Variants in MITF observed in about 807,000 individuals in gnomAD.
MITF encodes the protein microphthalmia-associated transcription factor.
Under a neutral mutation model 60.5 loss-of-function variants are expected in MITF, and 17 were observed. The observed-to-expected ratio is 0.28, with a 90% CI of 0.19 to 0.42. MITF has a LOEUF of 0.42. Among genes scored for constraint, MITF ranks in the 10% least tolerant of loss-of-function variants. MITF has a pLI of 1.00. For synonymous variants in MITF, 260 were observed against 248.5 expected, an observed-to-expected ratio of 1.05 and a Z score of -0.43; for missense variants, 622 against 683.5, an observed-to-expected ratio of 0.91 and a Z score of 1.00.
At chr3:69,755,874 C>T (rs1410217461) in intron 1 of MITF, among the ~76,000 whole-genome samples, 1 of 152,186 alleles carries the variant, frequency 6.6e-6, no homozygotes, top group African/African-American at 2.4e-5. Flanking sequence ...GCTGCTCCTC[C>T]TCCTGTACTA....
chr3:69,892,072 A>G (rs891191255), intron 2 of MITF, among the ~76,000 whole-genome samples: 1 of 152,192 alleles, frequency 6.6e-6, no homozygotes, highest in Non-Finnish European at 1.5e-5. Flanking sequence ...TGTATGTCAC[A>G]TATGTACCAT....
Position 69,862,504 on chromosome 3 carries a change from G to A in MITF, c.105-16630G>A, listed in dbSNP as rs570119489. ...GAATATAAGAAAATATGGTGTGCTCGGGCTGGGCAATAAAACATTTAATGC... is the reference window on the plus strand; with the variant it reads ...GAATATAAGAAAATATGGTGTGCTCAGGCTGGGCAATAAAACATTTAATGC... On this transcript the variant is annotated intron_variant, in intron 1 of 9. Transcript: ENST00000352241. Among the ~76,000 whole-genome samples the A allele has an allele frequency of 6.2e-4, 94 of 152,270 alleles. 1 individual carries two copies. The highest frequency in any genetic ancestry group is 1.2e-3 in the Non-Finnish European group (81 of 68,022).
rs896510009 is a variant in MITF, at chr3:69,739,488, C to T, written c.-110C>T. On this transcript the variant is annotated 5_prime_UTR_variant, in exon 1 of 10. Transcript: ENST00000352241. Reference sequence around the variant, plus strand: ...CGCGAGCCGGCGAGCGGGCAGAGCTCGGCACTGCGCCGGGGCGCACGGCTC... The same window carrying T: ...CGCGAGCCGGCGAGCGGGCAGAGCTTGGCACTGCGCCGGGGCGCACGGCTC... 3 of 1,003,534 alleles carry T rather than the reference C, an allele frequency of 3.0e-6. No homozygotes were observed. The highest frequency in any genetic ancestry group is 4.5e-6 in the Non-Finnish European group (3 of 660,278). 62.2% of individuals were successfully genotyped at this position (1,003,534 alleles called of 1,614,324 possible).
At chr3:69,920,996 T>A (rs2065454788) in intron 2 of MITF, among the ~76,000 whole-genome samples, 1 of 152,110 alleles carries the variant, frequency 6.6e-6, no homozygotes, top group Non-Finnish European at 1.5e-5. Context: ...GCCTCCCAAG[T>A]AGCTGGGATT....
At chr3:69,775,348 A>T (rs1402873915) in intron 1 of MITF, among the ~76,000 whole-genome samples, 2 of 152,144 alleles carry the variant, frequency 1.3e-5, no homozygotes, top group African/African-American at 4.8e-5. Flanking sequence ...TCTCTCACCT[A>T]TTTATGTGAA....
intron 1 of MITF, among the ~76,000 whole-genome samples, chr3:69,803,877 C>T (rs191944859): frequency 8.5e-4 from 128 of 150,910 alleles, no homozygotes; most frequent in Non-Finnish European, 1.7e-3. Context: ...AAGAGGTAAA[C>T]AGTTTCCTTG....
At chr3:69,902,913 T>A (rs1440366427) in intron 2 of MITF, among the ~76,000 whole-genome samples, 1 of 152,192 alleles carries the variant, frequency 6.6e-6, no homozygotes, top group Non-Finnish European at 1.5e-5. Flanking sequence ...AATTTTAAAT[T>A]ACTTTGTATT....
At chr3:69,838,403 A>G (rs2063572474) in intron 1 of MITF, among the ~76,000 whole-genome samples, 1 of 152,170 alleles carries the variant, frequency 6.6e-6, no homozygotes, top group Admixed American at 6.5e-5. Context: ...AAATGAAACA[A>G]CTGTTATTAG....
intron 2 of MITF, among the ~76,000 whole-genome samples, chr3:69,928,417 A>T (rs1259234090): frequency 6.6e-6 from 1 of 152,188 alleles, no homozygotes; most frequent in East Asian, 1.9e-4. Context: ...AGGGATATGA[A>T]GTGTGAATGG....
At chr3:69,860,884 G>A (rs577406535) in intron 1 of MITF, among the ~76,000 whole-genome samples, 1 of 152,152 alleles carries the variant, frequency 6.6e-6, no homozygotes, top group African/African-American at 2.4e-5. Context: ...AGAGGATGCT[G>A]TAATATCACT....
chr3:69,879,076 G>A, intron 1 of MITF, 58 bp from the exon 2 acceptor site: 1 of 1,450,150 alleles, frequency 6.9e-7, no homozygotes, highest in Non-Finnish European at 9.7e-7. Context: ...CCCCCAAAGT[G>A]CAAACGAAGG....
At chr3:69,899,240 A>C (rs757231756) in intron 2 of MITF, among the ~76,000 whole-genome samples, 35 of 152,266 alleles carry the variant, frequency 2.3e-4, no homozygotes, top group Non-Finnish European at 4.4e-4. Context: ...AGTGTCAGAG[A>C]GCTAGAAGCT....
At chr3:69,780,285 T>C (rs1244904914) in intron 1 of MITF, among the ~76,000 whole-genome samples, 1 of 152,184 alleles carries the variant, frequency 6.6e-6, no homozygotes, top group African/African-American at 2.4e-5. Flanking sequence ...CCGGTGTGGC[T>C]GGTGTTTTGA....
At chr3:69,760,478 C>A (rs2062196177) in intron 1 of MITF, among the ~76,000 whole-genome samples, 1 of 152,206 alleles carries the variant, frequency 6.6e-6, no homozygotes. Flanking sequence ...CCCAGAGTAG[C>A]AGCGTATGGA....
chr3:69,803,966 G>T (rs372007816), intron 1 of MITF, among the ~76,000 whole-genome samples: 4 of 151,252 alleles, frequency 2.6e-5, no homozygotes, highest in Non-Finnish European at 5.9e-5. Context: ...CTTCTTTTCT[G>T]TTCTTGTCTA....
At chr3:69,875,718 T>C (rs531856689) in intron 1 of MITF, among the ~76,000 whole-genome samples, 5 of 152,398 alleles carry the variant, frequency 3.3e-5, no homozygotes, top group Admixed American at 1.3e-4. Context: ...TAAGACATTA[T>C]GCTCATTTGT....
chr3:69,913,783 C>G (rs2065273674), intron 2 of MITF, among the ~76,000 whole-genome samples: 1 of 151,984 alleles, frequency 6.6e-6, no homozygotes, highest in Admixed American at 6.6e-5. Flanking sequence ...AAACGAAGGC[C>G]CTTGAATTGT....
intron 2 of MITF, among the ~76,000 whole-genome samples, chr3:69,903,025 T>C (rs910436333): frequency 3.3e-5 from 5 of 152,220 alleles, no homozygotes; most frequent in African/African-American, 1.2e-4. Context: ...TTGTAAGCTA[T>C]GATCTCTGAG....
chr3:69,956,948 GACTT>G (rs2066414331), intron 8 of MITF, among the ~76,000 whole-genome samples: 2 of 152,160 alleles, frequency 1.3e-5, no homozygotes, highest in Non-Finnish European at 2.9e-5. Flanking sequence ...AGACATTAGA[GACTT>G]AAAGTTTAAT....
Sources: allele counts gnomAD v4.1 joint callset (sites outside exome capture counted in the v4.1 genomes callset), GRCh38; gene constraint gnomAD v4.1.1; transcripts MANE v1.5; gene names NCBI Gene and HGNC (gene_info 2026-07-23, HGNC 2026-07-21).